Variants in GLRA3 observed in about 807,000 individuals in gnomAD.
GLRA3 encodes glycine receptor subunit alpha-3.
A neutral mutation model predicts 60.4 loss-of-function variants in GLRA3; 44 were observed. That is an observed-to-expected ratio of 0.73 (90% CI 0.57 to 0.94). The LOEUF is 0.94. GLRA3 is among the 40% of genes least tolerant of loss of function. GLRA3 has a pLI of 0.00. For missense variants in GLRA3, 508 were observed against 564.6 expected (o/e 0.90, Z 1.02); for synonymous variants, 223 against 192.9 (o/e 1.16, Z -1.29).
intron 7 of GLRA3, among the ~76,000 whole-genome samples, chr4:174,670,191 C>CT (rs1351523696): frequency 2.0e-5 from 3 of 152,126 alleles, no homozygotes; most frequent in African/African-American, 4.8e-5. Flanking sequence ...AATATATTAC[C>CT]TTTTTTTGAT....
chr4:174,682,781 AG>A lies in GLRA3; in HGVS notation c.712+20del. 6.4e-7 allele frequency: 1 copy of A among 1,568,452 alleles called. No individual in the cohort carries two copies. The highest frequency in any genetic ancestry group is 8.7e-7 in the Non-Finnish European group (1 of 1,143,772). On this transcript the variant is annotated intron_variant, in intron 6 of 9. Transcript: ENST00000274093. ...ATAAAACCACAAGTAGTAAGTGTAA[AG>A]AACACTACTCAACCCCTACCTGTAT...
intron 1 of GLRA3, among the ~76,000 whole-genome samples, chr4:174,804,878 G>A (rs181022871): frequency 6.6e-6 from 1 of 152,228 alleles, no homozygotes; most frequent in Admixed American, 6.5e-5. Context: ...CGAAGAAGCT[G>A]GCCACCCCAC....
At chr4:174,664,909 T>TAGAGATG (rs1733595162) in intron 7 of GLRA3, among the ~76,000 whole-genome samples, 1 of 152,178 alleles carries the variant, frequency 6.6e-6, no homozygotes, top group Non-Finnish European at 1.5e-5. Flanking sequence ...GTTACAGGTA[T>TAGAGATG]AGAGATGAGA....
In GLRA3 at chr4:174,782,168, C is replaced by A. The variant is rs548640784; in HGVS notation, c.199+6648G>T. Among the ~76,000 whole-genome samples, 4 of 147,250 alleles carry A rather than the reference C, an allele frequency of 2.7e-5. No homozygotes were observed. The Admixed American group carries it at 2.7e-4, about 10-fold the overall frequency. Reference sequence around the variant, plus strand: ...GGATGCAAGGCTGGTTCAATATATGCAAATCAATAAATGTAATCCAGCATA... The same window carrying A: ...GGATGCAAGGCTGGTTCAATATATGAAAATCAATAAATGTAATCCAGCATA... On this transcript the variant is annotated intron_variant, in intron 2 of 9. Transcript: ENST00000274093.
chr4:174,675,465 T>C (rs1272078196), intron 7 of GLRA3, among the ~76,000 whole-genome samples: 1 of 152,174 alleles, frequency 6.6e-6, no homozygotes, highest in African/African-American at 2.4e-5. Context: ...CTGTTGTGCC[T>C]TGTAGAAGCC....
rs533275217 is a variant in GLRA3, at chr4:174,809,229, C to T, written c.71+19512G>A. 4.6e-5 allele frequency among the ~76,000 whole-genome samples: 7 copies of T among 152,246 alleles called. No homozygotes were observed. In the East Asian group the frequency reaches 1.4e-3, roughly 29 times the overall value. The stretch of plus-strand genomic sequence containing the variant: ...ATTGCCTACAGTATTTAATACTGTA[C>T]ATGCTGTACAGGTTTGCAGCCTGGG... On this transcript the variant is annotated intron_variant, in intron 1 of 9. Coordinates refer to ENST00000274093, the MANE Select transcript of GLRA3 (RefSeq NM_006529.4).
At chr4:174,725,452 T>C (rs940052016) in intron 4 of GLRA3, among the ~76,000 whole-genome samples, 2 of 152,218 alleles carry the variant, frequency 1.3e-5, no homozygotes, top group Non-Finnish European at 2.9e-5. Context: ...TTATCATGGC[T>C]ACTTTAAAGT....
At chr4:174,662,147 G>T (rs970335609) in intron 7 of GLRA3, among the ~76,000 whole-genome samples, 1 of 152,152 alleles carries the variant, frequency 6.6e-6, no homozygotes, top group Admixed American at 6.5e-5. Flanking sequence ...TATCTTGCAA[G>T]CAATGCCAGC....
intron 3 of GLRA3, among the ~76,000 whole-genome samples, chr4:174,764,490 G>A (rs1415366852): frequency 6.6e-6 from 1 of 151,344 alleles, no homozygotes. Context: ...TTAATTGACT[G>A]CCTTAGTTGA....
intron 1 of GLRA3, among the ~76,000 whole-genome samples, chr4:174,789,443 G>A (rs767920106): frequency 2.6e-5 from 4 of 152,090 alleles, no homozygotes; most frequent in Non-Finnish European, 5.9e-5. Flanking sequence ...AGTGCTTCCT[G>A]AATTAGCAAC....
At chr4:174,753,027 C>G (rs1446037433) in intron 3 of GLRA3, among the ~76,000 whole-genome samples, 1 of 152,116 alleles carries the variant, frequency 6.6e-6, no homozygotes, top group Non-Finnish European at 1.5e-5. Context: ...GAATAACTTC[C>G]CTTTTGTTTT....
At chr4:174,654,078 C>T (rs571891886) in intron 9 of GLRA3, among the ~76,000 whole-genome samples, 7 of 152,154 alleles carry the variant, frequency 4.6e-5, no homozygotes, top group African/African-American at 1.7e-4. Context: ...GCATGAAAGA[C>T]ATTTGTAGGA....
At chr4:174,676,670 A>T (rs1432837895) in intron 7 of GLRA3, among the ~76,000 whole-genome samples, 1 of 152,076 alleles carries the variant, frequency 6.6e-6, no homozygotes, top group Non-Finnish European at 1.5e-5. Context: ...AACATTTATT[A>T]TAGTATCAGT....
At chr4:174,681,195 G>A (rs1338807010) in intron 6 of GLRA3, among the ~76,000 whole-genome samples, 1 of 152,102 alleles carries the variant, frequency 6.6e-6, no homozygotes, top group Non-Finnish European at 1.5e-5. Context: ...CCTTTAAGCT[G>A]TAATAGCTCA....
chr4:174,769,738 C>T (rs1249058702), intron 2 of GLRA3, among the ~76,000 whole-genome samples: 2 of 152,040 alleles, frequency 1.3e-5, no homozygotes. Context: ...GGAACATATG[C>T]TCCAGTAATG....
At chr4:174,816,075 G>A (rs989395531) in intron 1 of GLRA3, among the ~76,000 whole-genome samples, 1 of 152,148 alleles carries the variant, frequency 6.6e-6, no homozygotes, top group African/African-American at 2.4e-5. Flanking sequence ...TTGATAAAAT[G>A]CACATTCTGA....
chr4:174,787,632 A>T (rs1349252541), intron 2 of GLRA3, among the ~76,000 whole-genome samples: 4 of 135,162 alleles, frequency 3.0e-5, no homozygotes, highest in African/African-American at 1.1e-4. Context: ...TCTCATTTTC[A>T]TTTGTATATT....
intron 2 of GLRA3, among the ~76,000 whole-genome samples, chr4:174,781,977 A>G (rs1275103128): frequency 1.3e-5 from 2 of 151,246 alleles, no homozygotes; most frequent in African/African-American, 4.9e-5. Flanking sequence ...TGAGGCCAGC[A>G]TCATTCTGAT....
At chr4:174,792,931 A>T (rs1033989119) in intron 1 of GLRA3, among the ~76,000 whole-genome samples, 5 of 152,160 alleles carry the variant, frequency 3.3e-5, no homozygotes, top group African/African-American at 1.2e-4. Flanking sequence ...CTATTGGTTT[A>T]CGTTGTCACC....
Sources: allele counts gnomAD v4.1 joint callset (sites outside exome capture counted in the v4.1 genomes callset), GRCh38; gene constraint gnomAD v4.1.1; transcripts MANE v1.5; gene names NCBI Gene and HGNC (gene_info 2026-07-23, HGNC 2026-07-21).